Variants in RAB11FIP4 observed in about 807,000 individuals in gnomAD.
RAB11FIP4 encodes RAB11 family interacting protein 4.
In RAB11FIP4, 23 loss-of-function variants were observed where a neutral mutation model predicts 74.3. That is an observed-to-expected ratio of 0.31 (90% CI 0.22 to 0.44). The LOEUF (loss-of-function observed/expected upper bound fraction) is 0.44, where lower values mean the gene tolerates loss of function less well. Ranked by LOEUF, RAB11FIP4 falls within the 20% of genes least tolerant of loss-of-function variation. RAB11FIP4 has a pLI of 1.00. For missense variants in RAB11FIP4, 630 were observed against 863.9 expected, an observed-to-expected ratio of 0.73 and a Z score of 3.39; for synonymous variants, 360 against 359.9, an observed-to-expected ratio of 1.00 and a Z score of 0.00.
chr17:31,413,593 C>T (rs1157187024), intron 1 of RAB11FIP4, among the ~76,000 whole-genome samples: 1 of 151,916 alleles, frequency 6.6e-6, no homozygotes, highest in Non-Finnish European at 1.5e-5. Context: ...TTGCTCACAC[C>T]AACGCCCCGC....
intron 6 of RAB11FIP4, 143 bp downstream of exon 6, chr17:31,522,192 C>G (rs1408009863): frequency 7.6e-7 from 1 of 1,318,422 alleles, no homozygotes; most frequent in African/African-American, 1.5e-5. Context: ...GGGGCTTTTT[C>G]TGCCACAGGA....
intron 14 of RAB11FIP4, 96 bp from the exon 15 acceptor site, chr17:31,531,520 T>C (rs1205879003): frequency 1.3e-6 from 1 of 792,294 alleles, no homozygotes. Flanking sequence ...TGCCCTCTAT[T>C]GTCAGGCACT....
intron 3 of RAB11FIP4, among the ~76,000 whole-genome samples, chr17:31,452,799 C>T (rs1388077818): frequency 1.3e-5 from 2 of 152,222 alleles, no homozygotes; most frequent in Non-Finnish European, 2.9e-5. Context: ...ACAGACAAGA[C>T]GGATTCTCTG....
chr17:31,454,643 GGAGGCCGAGGCAGGTGGATCGCTT>G (rs1166966280), intron 3 of RAB11FIP4, among the ~76,000 whole-genome samples: 3 of 152,106 alleles, frequency 2.0e-5, no homozygotes, highest in Non-Finnish European at 4.4e-5. Context: ...CAGCACTTTG[GGAGGCCGAGGCAGGTGGATCGCTT>G]GAGGTCAGGA....
At chr17:31,508,544 G>T (rs2142787967) in intron 3 of RAB11FIP4, among the ~76,000 whole-genome samples, 1 of 152,320 alleles carries the variant, frequency 6.6e-6, no homozygotes, top group Non-Finnish European at 1.5e-5. Context: ...CACCGCCTTT[G>T]GGGCAGGCTG....
chr17:31,426,609 T>TC (rs998921556), intron 1 of RAB11FIP4, among the ~76,000 whole-genome samples: 3 of 150,220 alleles, frequency 2.0e-5, no homozygotes, highest in East Asian at 3.9e-4. Context: ...CTTTTTTTTT[T>TC]TTTTTTGAGA....
intron 1 of RAB11FIP4, among the ~76,000 whole-genome samples, chr17:31,427,132 G>A (rs2071260361): frequency 6.6e-6 from 1 of 152,038 alleles, no homozygotes; most frequent in Non-Finnish European, 1.5e-5. Context: ...GCTAATTTTT[G>A]TATTTTTAGT....
At chr17:31,503,864 C>T (rs865881781) in intron 3 of RAB11FIP4, among the ~76,000 whole-genome samples, 7 of 149,300 alleles carry the variant, frequency 4.7e-5, no homozygotes, top group South Asian at 4.1e-4. Context: ...CAGGAAAAAG[C>T]GAATAAACCG....
chr17:31,422,378 C>T (rs1336614725), intron 1 of RAB11FIP4, among the ~76,000 whole-genome samples: 4 of 152,196 alleles, frequency 2.6e-5, no homozygotes, highest in Non-Finnish European at 5.9e-5. Context: ...GATTTTTCAT[C>T]TAACTAGCTC....
At chr17:31,489,363 AG>A (rs2071962870) in intron 3 of RAB11FIP4, among the ~76,000 whole-genome samples, 1 of 152,112 alleles carries the variant, frequency 6.6e-6, no homozygotes, top group Non-Finnish European at 1.5e-5. Context: ...GGAGACTCAA[AG>A]GGGTCGGAGG....
chr17:31,458,356 C>T (rs978669407), intron 3 of RAB11FIP4, among the ~76,000 whole-genome samples: 2 of 152,160 alleles, frequency 1.3e-5, no homozygotes, highest in Non-Finnish European at 2.9e-5. Context: ...CATCTTCTAC[C>T]CAGAGGCATG....
intron 3 of RAB11FIP4, among the ~76,000 whole-genome samples, chr17:31,474,830 C>T (rs149258165): frequency 2.4e-4 from 36 of 149,864 alleles, no homozygotes; most frequent in Non-Finnish European, 5.0e-4. Flanking sequence ...CACGACAGAG[C>T]GAAACACTGT....
chr17:31,453,813 A>G (rs1327604752), intron 3 of RAB11FIP4, among the ~76,000 whole-genome samples: 1 of 148,784 alleles, frequency 6.7e-6, no homozygotes, highest in Non-Finnish European at 1.5e-5. Context: ...AAAAAAAAAA[A>G]GAAAGAAAAG....
At chr17:31,508,713 C>A (rs2072399265) in intron 3 of RAB11FIP4, among the ~76,000 whole-genome samples, 1 of 45,420 alleles carries the variant, frequency 2.2e-5, no homozygotes, top group South Asian at 7.1e-4. Flanking sequence ...GTACTTCAGT[C>A]CCTCTGTCAG....
At chr17:31,516,690 G>T (rs1049205470) in intron 3 of RAB11FIP4, among the ~76,000 whole-genome samples, 121 of 152,316 alleles carry the variant, frequency 7.9e-4, no homozygotes, top group African/African-American at 2.7e-3. Flanking sequence ...GGGTGATCTT[G>T]ATCTCCTGAC....
intron 3 of RAB11FIP4, among the ~76,000 whole-genome samples, chr17:31,489,642 T>A (rs888287972): frequency 1.3e-5 from 2 of 152,220 alleles, no homozygotes; most frequent in Non-Finnish European, 2.9e-5. Flanking sequence ...GCAGTCTGAA[T>A]ACTGGGTCTG....
At chr17:31,400,683 TG>T (rs1185260282) in intron 1 of RAB11FIP4, among the ~76,000 whole-genome samples, 1 of 152,040 alleles carries the variant, frequency 6.6e-6, no homozygotes. Flanking sequence ...CGATTGGCAG[TG>T]GGAGTGAGCA....
intron 3 of RAB11FIP4, among the ~76,000 whole-genome samples, chr17:31,477,109 T>C (rs2142734454): frequency 6.6e-6 from 1 of 152,360 alleles, no homozygotes; most frequent in Non-Finnish European, 1.5e-5. Context: ...GGATACTTCT[T>C]CATCCCAGCA....
At chr17:31,400,042 C>CAAAA (rs563945627) in intron 1 of RAB11FIP4, among the ~76,000 whole-genome samples, 1 of 110,802 alleles carries the variant, frequency 9.0e-6, no homozygotes. Context: ...GATTCCATCT[C>CAAAA]AAAAAAAAAA....
Sources: allele counts gnomAD v4.1 joint callset (sites outside exome capture counted in the v4.1 genomes callset), GRCh38; gene constraint gnomAD v4.1.1; transcripts MANE v1.5; gene names NCBI Gene and HGNC (gene_info 2026-07-23, HGNC 2026-07-21).